Variants in PREX2 observed in about 807,000 individuals in gnomAD.
The protein encoded by PREX2 is phosphatidylinositol 3,4,5-trisphosphate-dependent Rac exchanger 2 protein.
In PREX2, 107 loss-of-function variants were observed where a neutral mutation model predicts 203.2. That is an observed-to-expected ratio of 0.53 (90% CI 0.45 to 0.62). PREX2 has a LOEUF of 0.62. Ranked by LOEUF, PREX2 falls within the 20% of genes least tolerant of loss-of-function variation. The pLI, the probability that PREX2 is intolerant of heterozygous loss-of-function variation, is 0.00. For missense variants in PREX2, 1,777 were observed against 1,955.9 expected, an observed-to-expected ratio of 0.91 and a Z score of 1.72; for synonymous variants, 672 against 663.6, an observed-to-expected ratio of 1.01 and a Z score of -0.19.
At chr8:68,164,017 A>G (rs1287811270) in intron 35 of PREX2, among the ~76,000 whole-genome samples, 1 of 152,144 alleles carries the variant, frequency 6.6e-6, no homozygotes, top group Non-Finnish European at 1.5e-5. Context: ...AGACGGCGGT[A>G]GGGTATGAGA....
intron 1 of PREX2, among the ~76,000 whole-genome samples, chr8:67,966,313 A>G (rs1302848430): frequency 1.3e-5 from 2 of 152,170 alleles, no homozygotes; most frequent in East Asian, 1.9e-4. Flanking sequence ...ATGTTGTACT[A>G]TATATCCTTC....
chr8:67,976,723 G>T (rs1393202372), intron 1 of PREX2, among the ~76,000 whole-genome samples: 1 of 108,818 alleles, frequency 9.2e-6, no homozygotes, highest in Admixed American at 9.8e-5. Flanking sequence ...GAGACAGAGA[G>T]AGAGACAGAG....
chr8:68,101,777 G>T (rs895569493), intron 23 of PREX2, among the ~76,000 whole-genome samples: 2 of 152,120 alleles, frequency 1.3e-5, no homozygotes, highest in Non-Finnish European at 2.9e-5. Context: ...CCGTGCCTGG[G>T]ACATTTCTCT....
At chr8:68,133,987 G>A (rs767245916) in intron 31 of PREX2, 72 bp from the exon 32 acceptor site, 23 of 1,169,746 alleles carry the variant, frequency 2.0e-5, no homozygotes, top group Middle Eastern at 2.3e-4. Context: ...AGTGAATGTA[G>A]ATGCTGAACG....
At chr8:68,013,356 C>T (rs1382352852) in intron 1 of PREX2, among the ~76,000 whole-genome samples, 1 of 152,160 alleles carries the variant, frequency 6.6e-6, no homozygotes, top group Non-Finnish European at 1.5e-5. Context: ...CAACTTTTTA[C>T]TGTAAGTCCT....
At chr8:68,067,729 G>C (rs7828181) in intron 11 of PREX2, among the ~76,000 whole-genome samples, 79,670 of 151,738 alleles carry the variant, frequency 0.53, 20,953 homozygotes, top group South Asian at 0.56. Context: ...TCCCCTAATT[G>C]CTCTGGTTAG....
intron 34 of PREX2, among the ~76,000 whole-genome samples, chr8:68,147,128 G>T (rs933413287): frequency 6.6e-6 from 1 of 152,134 alleles, no homozygotes; most frequent in African/African-American, 2.4e-5. Context: ...TTCTCTGAAT[G>T]ATACCATAGG....
intron 4 of PREX2, among the ~76,000 whole-genome samples, 198 bp from the exon 5 acceptor site, chr8:68,027,024 C>G (rs1807739445): frequency 6.6e-6 from 1 of 152,010 alleles, no homozygotes; most frequent in Non-Finnish European, 1.5e-5. Context: ...TTTTAAGATA[C>G]AGATTCAAAA....
chr8:68,027,625 A>G (rs1807766700), intron 5 of PREX2, among the ~76,000 whole-genome samples: 1 of 152,116 alleles, frequency 6.6e-6, no homozygotes, highest in Admixed American at 6.6e-5. Flanking sequence ...ACTAGTTTAT[A>G]TAGCATTTTG....
chr8:68,067,971 G>A lies in PREX2; in HGVS notation c.1340-1062G>A, dbSNP rs1023894122. ...TTTTTCTGCTTCTATTGAGATCATC[G>A]TATGATTTTTGTCTTTTATTCTGTT... On this transcript the variant is annotated intron_variant, in intron 11 of 39. Transcript: ENST00000288368. Among the ~76,000 whole-genome samples, 13 of 151,976 alleles carry A rather than the reference G, an allele frequency of 8.6e-5. No individual in the cohort carries two copies. In the East Asian group the frequency reaches 1.7e-3, roughly 20 times the overall value.
rs538195059 is a variant in PREX2, at chr8:68,039,566, A to G, written c.839+1274A>G. Reference sequence around the variant, plus strand: ...CTCTCAAATCTCTATCCTTAGCCCAACATTCTGGACTCCTACATCCTGCCT... The same window carrying G: ...CTCTCAAATCTCTATCCTTAGCCCAGCATTCTGGACTCCTACATCCTGCCT... On this transcript the variant is annotated intron_variant, in intron 7 of 39. Coordinates refer to ENST00000288368, the MANE Select transcript of PREX2 (RefSeq NM_024870.4). Among the ~76,000 whole-genome samples the G allele has an allele frequency of 2.0e-4, 31 of 152,204 alleles. No individual in the cohort carries two copies. The South Asian group carries it at 5.2e-3, about 25-fold the overall frequency.
At chr8:68,050,057 T>C (rs1255439280) in intron 8 of PREX2, among the ~76,000 whole-genome samples, 1 of 151,114 alleles carries the variant, frequency 6.6e-6, no homozygotes, top group Non-Finnish European at 1.5e-5. Context: ...TGTTTATGTA[T>C]GTGTGTATAT....
At chr8:68,068,185 T>C in intron 11 of PREX2, among the ~76,000 whole-genome samples, 1 of 152,070 alleles carries the variant, frequency 6.6e-6, no homozygotes, top group East Asian at 1.9e-4. Context: ...TTTCTTGTAG[T>C]ATTCATATCT....
chr8:68,081,248 A>G (rs892662), intron 17 of PREX2, among the ~76,000 whole-genome samples: 81,292 of 151,866 alleles, frequency 0.54, 21,769 homozygotes, highest in South Asian at 0.56. Flanking sequence ...TCGGTTCACA[A>G]TTGGGTTCGC....
chr8:68,055,635 C>A (rs950166319), intron 9 of PREX2, among the ~76,000 whole-genome samples, 195 bp from the exon 10 acceptor site: 1 of 152,118 alleles, frequency 6.6e-6, no homozygotes, highest in Non-Finnish European at 1.5e-5. Context: ...GTGACATATA[C>A]CCTGGGGATC....
rs1452937015 is a variant in PREX2 at position 68,118,584 on chromosome 8, T to C, written c.3361T>C (p.Phe1121Leu). ...CNSNRNSIAS[F>L]TSICSSQCSS... is the part of the protein sequence containing the mutation. ...CAGCAATAGGAATTCCATCGCCTCC[T>C]TCACCAGCATCTGCAGCAGCCAGTG... is the stretch of plus-strand genomic sequence containing the variant. Residue 1121 changes from phenylalanine to leucine, a missense_variant, in exon 27 of 40, where the codon TTC (phenylalanine) becomes CTC (leucine). Transcript: ENST00000288368. The C allele has an allele frequency of 3.1e-6, 5 of 1,614,102 alleles. No homozygotes were observed. Among genetic ancestry groups the C allele is most frequent in the Non-Finnish European group, 4.2e-6 (5 of 1,179,934 alleles).
At chr8:68,072,243 A>C (rs1342050348) in intron 13 of PREX2, among the ~76,000 whole-genome samples, 3 of 152,152 alleles carry the variant, frequency 2.0e-5, no homozygotes, top group African/African-American at 7.2e-5. Context: ...GACAATGTGA[A>C]AGAAGAGATG....
intron 37 of PREX2, among the ~76,000 whole-genome samples, chr8:68,201,869 A>C (rs1273586109): frequency 6.6e-6 from 1 of 151,246 alleles, no homozygotes; most frequent in Non-Finnish European, 1.5e-5. Context: ...GGTGAGATTT[A>C]AATACCCAGG....
chr8:68,202,690 G>T (rs112419190), intron 37 of PREX2, among the ~76,000 whole-genome samples: 2 of 152,212 alleles, frequency 1.3e-5, no homozygotes, highest in African/African-American at 4.8e-5. Context: ...TAGGGGAGAG[G>T]TAGAATGTTC....
Sources: gnomAD v4.1 joint callset for allele counts (sites outside exome capture counted in the v4.1 genomes callset) on GRCh38, gnomAD v4.1.1 for gene constraint, MANE v1.5 for transcripts, NCBI Gene and HGNC (gene_info 2026-07-23, HGNC 2026-07-21) for gene names.